DNAAF4: variants seen among roughly 807,000 people sequenced by gnomAD.
DNAAF4 encodes dynein assembly factor 4, axonemal.
DNAAF4 carries 43 observed loss-of-function variants against 51.8 expected under a neutral mutation model. The observed-to-expected ratio is 0.83, with a 90% CI of 0.65 to 1.07. The LOEUF is 1.07. Ranked by LOEUF, DNAAF4 falls within the 50% of genes least tolerant of loss-of-function variation. The pLI is 0.00. For synonymous variants in DNAAF4, 194 were observed against 165.6 expected, an observed-to-expected ratio of 1.17 and a Z score of -1.32; for missense variants, 581 against 493.0, an observed-to-expected ratio of 1.18 and a Z score of -1.69.
At chr15:55,429,285 C>T (rs1322285869), downstream of DNAAF4, among the ~76,000 whole-genome samples, 3 of 149,344 alleles carry the variant, frequency 2.0e-5, no homozygotes, top group African/African-American at 4.9e-5. Context: ...TTTGGGAGGC[C>T]GAGGCGGGTG....
intron 4 of DNAAF4, among the ~76,000 whole-genome samples, chr15:55,468,998 T>C (rs2058209176): frequency 6.6e-6 from 1 of 151,988 alleles, no homozygotes; most frequent in Admixed American, 6.6e-5. Context: ...ACAAAGCTTA[T>C]GATAAAGAGA....
rs972112579 is a variant in DNAAF4, at chr15:55,491,672, GATA to G, written c.272-419_272-417del. On this transcript the variant is annotated intron_variant, in intron 3 of 9. Transcript: ENST00000321149. ...TATAAAATATATATTATATATTATAGATAATATTATATTATTATATAATAATAT... is the reference window on the plus strand; with the variant it reads ...TATAAAATATATATTATATATTATAGATATTATATTATTATATAATAATAT... 4.1e-4 allele frequency among the ~76,000 whole-genome samples: 55 copies of G among 135,248 alleles called. 1 individual carries two copies. Among genetic ancestry groups the G allele is most frequent in the Admixed American group, 3.2e-3 (40 of 12,560 alleles). 88.7% of individuals were successfully genotyped at this position (135,248 alleles called of 152,430 possible).
chr15:55,418,385 A>G, intron 7 of DNAAF4: 1 of 1,535,680 alleles, frequency 6.5e-7, no homozygotes, highest in South Asian at 1.2e-5. Context: ...TATGTATAAA[A>G]CCAATTCAAG....
In DNAAF4 at chr15:55,507,155, T is replaced by C. The variant is rs544591943; in HGVS notation, c.-256+967A>G. Among the ~76,000 whole-genome samples the C allele has an allele frequency of 5.3e-5, 8 of 152,252 alleles. No individual in the cohort carries two copies. In the South Asian group the frequency reaches 1.7e-3, roughly 32 times the overall value. On this transcript the variant is annotated intron_variant, in intron 1 of 9. Transcript: ENST00000321149. ...CATGAGCTACCATGCCTGGCCTTTATAAAACTTTTGAACAACGGAAACTGA... is the reference window on the plus strand; with the variant it reads ...CATGAGCTACCATGCCTGGCCTTTACAAAACTTTTGAACAACGGAAACTGA...
chr15:55,477,660 G>A (rs969247430), intron 4 of DNAAF4, among the ~76,000 whole-genome samples: 43 of 150,638 alleles, frequency 2.9e-4, no homozygotes, highest in Non-Finnish European at 4.6e-4. Flanking sequence ...GTGTGTGTGT[G>A]TATATATATA....
At chr15:55,445,633 C>T (rs1595901882) in intron 6 of DNAAF4, among the ~76,000 whole-genome samples, 1 of 151,082 alleles carries the variant, frequency 6.6e-6, no homozygotes, top group African/African-American at 2.4e-5. Context: ...GGCGGCCAGG[C>T]AGAGGCACTC....
At chr15:55,457,201 G>T (rs691062) in intron 5 of DNAAF4, among the ~76,000 whole-genome samples, 149,527 of 152,174 alleles carry the variant, frequency 0.98, 73,512 homozygotes, top group East Asian at 1. Flanking sequence ...GGATATAAAC[G>T]CAGTGCGGTT....
chr15:55,473,287 A>G (rs1342009490), intron 4 of DNAAF4, among the ~76,000 whole-genome samples: 2 of 134,134 alleles, frequency 1.5e-5, no homozygotes, highest in Non-Finnish European at 3.1e-5. Context: ...ATATATGTGT[A>G]TATATATGTG....
chr15:55,444,700 T>C (rs1327688463), intron 6 of DNAAF4, among the ~76,000 whole-genome samples: 4 of 152,240 alleles, frequency 2.6e-5, no homozygotes, highest in Admixed American at 6.5e-5. Flanking sequence ...CTTCCATTTG[T>C]TTGTGTCCTC....
intron 4 of DNAAF4, among the ~76,000 whole-genome samples, chr15:55,489,709 T>TAA (rs1369403891): frequency 6.8e-6 from 1 of 146,860 alleles, no homozygotes; most frequent in Non-Finnish European, 1.5e-5. Context: ...GTGGAAGTGA[T>TAA]AAAAAAAGTG....
At chr15:55,464,232 G>A (rs28858773) in intron 5 of DNAAF4, among the ~76,000 whole-genome samples, 1 of 152,146 alleles carries the variant, frequency 6.6e-6, no homozygotes, top group Non-Finnish European at 1.5e-5. Flanking sequence ...AAATGGTGCT[G>A]GGATAATTGG....
At position 55,424,317 on chromosome 15, in the gene DNAAF4, AT is replaced by A. The variant is rs558705307; in HGVS notation, c.1048-6185del. Among the ~76,000 whole-genome samples the A allele has an allele frequency of 1.2e-4, 19 of 152,260 alleles. No individual in the cohort carries two copies. In the South Asian group the frequency reaches 3.9e-3, roughly 32 times the overall value. On this transcript the variant is annotated intron_variant, in intron 7 of 7. Coordinates refer to the DNAAF4 transcript ENST00000448430. ...TTCACCAGATGCATGTAGTCCCTTA[AT>A]CTTGACTGCCCAGCATGCAGAACCA...
At chr15:55,496,425 T>C (rs564046909) in intron 3 of DNAAF4, among the ~76,000 whole-genome samples, 1 of 152,304 alleles carries the variant, frequency 6.6e-6, no homozygotes, top group South Asian at 2.1e-4. Flanking sequence ...AGAGTGAAAC[T>C]GCTAAGGCTC....
At chr15:55,446,953 G>A (rs1414858931) in intron 6 of DNAAF4, among the ~76,000 whole-genome samples, 5 of 139,760 alleles carry the variant, frequency 3.6e-5, no homozygotes, top group South Asian at 2.4e-4. Context: ...CCCAGATGAT[G>A]GGCGGCCGGG....
intron 2 of DNAAF4, 62 bp downstream of exon 2, chr15:55,498,145 C>A: frequency 6.2e-7 from 1 of 1,609,496 alleles, no homozygotes; most frequent in Non-Finnish European, 8.5e-7. Context: ...TGCCCAGCTG[C>A]GCTCTTGCAG....
At chr15:55,494,576 G>A (rs527980567) in intron 3 of DNAAF4, among the ~76,000 whole-genome samples, 57 of 151,696 alleles carry the variant, frequency 3.8e-4, no homozygotes, top group Non-Finnish European at 8.8e-5. Context: ...CACGCCTGAC[G>A]AAGTTTTGTA....
At chr15:55,467,187 C>T (rs757873061) in intron 4 of DNAAF4, 26 bp from the exon 5 acceptor site, 2 of 1,461,594 alleles carry the variant, frequency 1.4e-6, no homozygotes, top group Admixed American at 2.4e-5. Flanking sequence ...TTACCAAATT[C>T]TTTAAAATAC....
At chr15:55,468,335 A>G (rs2058199665) in intron 4 of DNAAF4, among the ~76,000 whole-genome samples, 1 of 152,208 alleles carries the variant, frequency 6.6e-6, no homozygotes, top group Non-Finnish European at 1.5e-5. Flanking sequence ...TTCCTGTGAG[A>G]TGCTGACTTT....
intron 4 of DNAAF4, among the ~76,000 whole-genome samples, chr15:55,472,612 CT>C (rs2141527410): frequency 1.3e-5 from 2 of 151,658 alleles, no homozygotes; most frequent in East Asian, 3.9e-4. Context: ...AGTGAGACTT[CT>C]CAAAAAAAAT....
Sources: allele counts gnomAD v4.1 joint callset (sites outside exome capture counted in the v4.1 genomes callset), GRCh38; gene constraint gnomAD v4.1.1; transcripts MANE v1.5; gene names NCBI Gene and HGNC (gene_info 2026-07-23, HGNC 2026-07-21).